Variants in SCAPER observed in about 807,000 individuals in gnomAD.
SCAPER encodes S phase cyclin A-associated protein in the endoplasmic reticulum.
A neutral mutation model predicts 182.2 loss-of-function variants in SCAPER; 98 were observed. That is an observed-to-expected ratio of 0.54 (90% CI 0.46 to 0.64). SCAPER has a LOEUF of 0.64. Among genes scored for constraint, SCAPER ranks in the 30% least tolerant of loss-of-function variants. The probability of loss-of-function intolerance (pLI) is 0.00; values close to 1 mark genes in which losing one functional copy is unlikely to be tolerated. For synonymous variants in SCAPER, 605 were observed against 564.6 expected, an observed-to-expected ratio of 1.07 and a Z score of -1.01; for missense variants, 1,432 against 1,690.0, an observed-to-expected ratio of 0.85 and a Z score of 2.68.
intron 25 of SCAPER, among the ~76,000 whole-genome samples, chr15:76,460,047 A>T (rs2049039411): frequency 1.3e-5 from 2 of 151,978 alleles, no homozygotes; most frequent in Non-Finnish European, 2.9e-5. Context: ...TTTTATACCA[A>T]CATCATGCTG....
intron 17 of SCAPER, among the ~76,000 whole-genome samples, chr15:76,710,639 C>A (rs1482797108): frequency 6.6e-6 from 1 of 152,026 alleles, no homozygotes; most frequent in Non-Finnish European, 1.5e-5. Context: ...GAGATCTAAA[C>A]AGAGAGAAAC....
intron 20 of SCAPER, among the ~76,000 whole-genome samples, chr15:76,683,767 T>G (rs562645866): frequency 6.6e-6 from 1 of 152,034 alleles, no homozygotes; most frequent in African/African-American, 2.4e-5. Context: ...GGGGTCTACA[T>G]TCAGCATTCT....
intron 7 of SCAPER, among the ~76,000 whole-genome samples, chr15:76,796,933 A>T (rs1401281959): frequency 2.6e-5 from 4 of 152,228 alleles, no homozygotes; most frequent in Admixed American, 6.5e-5. Context: ...TCTATTAAAC[A>T]AACACTTCAT....
intron 15 of SCAPER, among the ~76,000 whole-genome samples, chr15:76,752,780 AAG>A (rs1323223582): frequency 2.0e-5 from 3 of 151,762 alleles, no homozygotes; most frequent in African/African-American, 7.2e-5. Flanking sequence ...CAAGATGAAA[AAG>A]AGTAATGAAG....
chr15:76,755,715 T>C (rs1203939493), intron 14 of SCAPER, among the ~76,000 whole-genome samples: 15 of 152,170 alleles, frequency 9.9e-5, no homozygotes, highest in African/African-American at 3.4e-4. Context: ...TCAGCACAAC[T>C]TCATTTTATC....
intron 26 of SCAPER, among the ~76,000 whole-genome samples, chr15:76,413,655 T>C (rs1399670089): frequency 6.6e-6 from 1 of 152,224 alleles, no homozygotes; most frequent in Non-Finnish European, 1.5e-5. Flanking sequence ...AGATAGTGTC[T>C]ATCTCCCAGG....
At chr15:76,829,377 A>G (rs2068265070) in intron 5 of SCAPER, among the ~76,000 whole-genome samples, 1 of 152,206 alleles carries the variant, frequency 6.6e-6, no homozygotes, top group Non-Finnish European at 1.5e-5. Context: ...TCAGAAAACT[A>G]GTATTTGGAG....
chr15:76,733,907 A>G (rs1033657496), intron 15 of SCAPER, among the ~76,000 whole-genome samples: 2 of 152,238 alleles, frequency 1.3e-5, no homozygotes, highest in African/African-American at 4.8e-5. Flanking sequence ...GTGTGTATAA[A>G]AAATCCACAG....
chr15:76,652,276 ATATATATATATATATAT>A (rs2055156460), intron 21 of SCAPER, among the ~76,000 whole-genome samples: 3 of 9,872 alleles, frequency 3.0e-4, no homozygotes, highest in Non-Finnish European at 5.2e-4. Context: ...AAAAAAAAAT[ATATATATATATATATAT>A]ATATATATAT....
Position 76,526,676 on chromosome 15 carries a change from C to A in SCAPER, c.2839-21702G>T, listed in dbSNP as rs976068859. Among the ~76,000 whole-genome samples, 3 of 152,066 alleles carry A rather than the reference C, an allele frequency of 2.0e-5. No homozygotes were observed. In the East Asian group the frequency reaches 5.8e-4, roughly 29 times the overall value. Reference sequence around the variant, plus strand: ...CCAAGCTATTAATTCTACTTCCAGTCTAGATTTTTTTTCCCTGTCAAGTTT... The same window carrying A: ...CCAAGCTATTAATTCTACTTCCAGTATAGATTTTTTTTCCCTGTCAAGTTT... On this transcript the variant is annotated intron_variant, in intron 23 of 31. Coordinates refer to ENST00000563290, the MANE Select transcript of SCAPER (RefSeq NM_020843.4).
intron 21 of SCAPER, among the ~76,000 whole-genome samples, chr15:76,662,653 G>A (rs748439792): frequency 6.6e-6 from 1 of 152,044 alleles, no homozygotes. Context: ...GAATGCAATA[G>A]AGTCCAGAAC....
intron 17 of SCAPER, among the ~76,000 whole-genome samples, chr15:76,715,481 T>C (rs928345994): frequency 6.6e-6 from 1 of 152,062 alleles, no homozygotes; most frequent in Non-Finnish European, 1.5e-5. Context: ...TTCAATCTGC[T>C]GAGGTACCCT....
rs768203307 is a variant in SCAPER, at chr15:76,434,119, T to C, written c.3270A>G (p.Ser1090=). 1.2e-6 allele frequency: 2 copies of C among 1,614,018 alleles called. No homozygotes were observed. Among genetic ancestry groups the C allele is most frequent in the Non-Finnish European group, 1.7e-6 (2 of 1,179,890 alleles). The change falls in exon 26 of 32, where the codon TCA becomes TCG. Residue 1090 remains serine, a synonymous_variant. Coordinates refer to ENST00000563290, the MANE Select transcript of SCAPER (RefSeq NM_020843.4). ...IPTQEMKNKP[S]QGDPFNNRVQ... ...CTCGATTGTTAAAAGGATCACCTTG[T>C]GAGGGTTTGTTTTTCATTTCCTGTG...
chr15:76,494,610 C>T (rs905251893), intron 24 of SCAPER, among the ~76,000 whole-genome samples: 1 of 152,224 alleles, frequency 6.6e-6, no homozygotes, highest in African/African-American at 2.4e-5. Context: ...GTACAGCTGT[C>T]GTCACCCTGC....
chr15:76,526,419 G>C (rs1449229244), intron 23 of SCAPER, among the ~76,000 whole-genome samples: 3 of 151,960 alleles, frequency 2.0e-5, no homozygotes, highest in Non-Finnish European at 4.4e-5. Flanking sequence ...TCTTCTCTTT[G>C]ATCTTTTGCA....
chr15:76,562,192 A>G (rs943855063), intron 23 of SCAPER, among the ~76,000 whole-genome samples: 2 of 151,530 alleles, frequency 1.3e-5, no homozygotes, highest in Non-Finnish European at 2.9e-5. Flanking sequence ...TGGACAAGAG[A>G]CTAAAAGTAA....
chr15:76,713,741 G>A (rs2059724893), intron 17 of SCAPER, among the ~76,000 whole-genome samples: 1 of 151,772 alleles, frequency 6.6e-6, no homozygotes, highest in Non-Finnish European at 1.5e-5. Flanking sequence ...TAACTAACCT[G>A]CACATTGTGC....
At chr15:76,430,401 A>T (rs924671255) in intron 26 of SCAPER, among the ~76,000 whole-genome samples, 1 of 152,216 alleles carries the variant, frequency 6.6e-6, no homozygotes, top group Non-Finnish European at 1.5e-5. Flanking sequence ...CAGACACTCA[A>T]TGCCAGCCCG....
intron 8 of SCAPER, among the ~76,000 whole-genome samples, chr15:76,784,566 C>T (rs1192698399): frequency 6.6e-6 from 1 of 152,166 alleles, no homozygotes; most frequent in African/African-American, 2.4e-5. Context: ...AAGAAAGAGC[C>T]CGCATTGTCA....
Sources: allele counts gnomAD v4.1 joint callset (sites outside exome capture counted in the v4.1 genomes callset), GRCh38; gene constraint gnomAD v4.1.1; transcripts MANE v1.5; gene names NCBI Gene and HGNC (gene_info 2026-07-23, HGNC 2026-07-21).